The following SNX14 variants were observed in gnomAD, a reference collection of about 807,000 sequenced individuals.
The protein encoded by SNX14 is sorting nexin 14, also known as sorting nexin-14.
A neutral mutation model predicts 133.8 loss-of-function variants in SNX14; 93 were observed. That is an observed-to-expected ratio of 0.70 (90% CI 0.59 to 0.83). The LOEUF is 0.83. SNX14 is among the 40% of genes least tolerant of loss of function. The probability of loss-of-function intolerance (pLI) is 0.00; values close to 1 mark genes in which losing one functional copy is unlikely to be tolerated. For missense variants in SNX14, 945 were observed against 1,094.9 expected (o/e 0.86, Z 1.93); for synonymous variants, 368 against 365.6 (o/e 1.01, Z -0.07).
intron 1 of SNX14, among the ~76,000 whole-genome samples, chr6:85,584,631 A>G (rs887105976): frequency 1.3e-5 from 2 of 152,258 alleles, no homozygotes; most frequent in African/African-American, 4.8e-5. Context: ...TTATGCAGCC[A>G]ACAAACATAT....
chr6:85,506,286 T>A (rs1770633835), intron 28 of SNX14, among the ~76,000 whole-genome samples: 1 of 152,094 alleles, frequency 6.6e-6, no homozygotes, highest in African/African-American at 2.4e-5. Context: ...GCCACTCTGT[T>A]TTAATATGCA....
chr6:85,579,585 G>A (rs1798420761), intron 1 of SNX14, among the ~76,000 whole-genome samples: 1 of 152,168 alleles, frequency 6.6e-6, no homozygotes. Flanking sequence ...TCAAAGGAAA[G>A]CACACGGCTT....
At chr6:85,523,589 C>T (rs1344475787) in intron 21 of SNX14, among the ~76,000 whole-genome samples, 1 of 152,022 alleles carries the variant, frequency 6.6e-6, no homozygotes, top group Non-Finnish European at 1.5e-5. Flanking sequence ...GTGAGCAACA[C>T]GGTGAAACCC....
chr6:85,569,417 C>A (rs897136464), intron 4 of SNX14, among the ~76,000 whole-genome samples: 1 of 152,182 alleles, frequency 6.6e-6, no homozygotes, highest in Non-Finnish European at 1.5e-5. Flanking sequence ...ACATATCAAA[C>A]CTGAATATAT....
At chr6:85,552,380 GCATATTCATA>G (rs1282264214) in intron 7 of SNX14, among the ~76,000 whole-genome samples, 1 of 152,058 alleles carries the variant, frequency 6.6e-6, no homozygotes, top group Non-Finnish European at 1.5e-5. Flanking sequence ...TAGAATGCAA[GCATATTCATA>G]CACAAAAAAA....
At chr6:85,590,445 T>C (rs1802436352) in intron 1 of SNX14, among the ~76,000 whole-genome samples, 2 of 152,208 alleles carry the variant, frequency 1.3e-5, no homozygotes, top group African/African-American at 4.8e-5. Flanking sequence ...GCTTTCTTAA[T>C]AAACTTGCTT....
At chr6:85,522,835 A>G (rs774348421) in intron 21 of SNX14, among the ~76,000 whole-genome samples, 19 of 152,176 alleles carry the variant, frequency 1.2e-4, no homozygotes, top group Non-Finnish European at 2.2e-4. Context: ...AAGATACTCC[A>G]AACATTACCA....
At chr6:85,507,832 T>A in intron 27 of SNX14, 136 bp downstream of exon 27, 1 of 478,886 alleles carries the variant, frequency 2.1e-6, no homozygotes, top group Non-Finnish European at 3.4e-6. Context: ...AAACTTTTTT[T>A]CTATCTGAAT....
intron 5 of SNX14, among the ~76,000 whole-genome samples, chr6:85,565,736 T>G (rs1350873633): frequency 1.3e-5 from 2 of 152,120 alleles, no homozygotes; most frequent in Admixed American, 1.3e-4. Context: ...TTCAAAGAAA[T>G]AAAACAATGA....
intron 7 of SNX14, among the ~76,000 whole-genome samples, chr6:85,556,718 G>T (rs1789933570): frequency 1.3e-5 from 2 of 151,990 alleles, no homozygotes; most frequent in South Asian, 4.1e-4. Flanking sequence ...CTCCCAAAGT[G>T]CTGGGATTAC....
chr6:85,541,510 G>C (rs899465437), intron 15 of SNX14, among the ~76,000 whole-genome samples: 5 of 152,096 alleles, frequency 3.3e-5, no homozygotes, highest in African/African-American at 7.2e-5. Context: ...TAATTATCCA[G>C]TTTATAAATG....
chr6:85,592,540 G>A (rs570132980), intron 1 of SNX14, among the ~76,000 whole-genome samples: 1 of 152,276 alleles, frequency 6.6e-6, no homozygotes, highest in African/African-American at 2.4e-5. Context: ...CTATTGCATC[G>A]CAACAATTTC....
At chr6:85,537,026 G>T (rs1261318833) in intron 16 of SNX14, 102 bp from the exon 17 acceptor site, 12 of 1,263,668 alleles carry the variant, frequency 9.5e-6, no homozygotes, top group Non-Finnish European at 1.3e-5. Context: ...TTTTGAAAAT[G>T]ATAAACTAAA....
intron 23 of SNX14, among the ~76,000 whole-genome samples, chr6:85,517,329 C>T (rs1775368171): frequency 6.6e-6 from 1 of 152,194 alleles, no homozygotes; most frequent in Non-Finnish European, 1.5e-5. Context: ...TCCTTATATT[C>T]CCAGTGCCTA....
intron 6 of SNX14, among the ~76,000 whole-genome samples, chr6:85,560,132 A>G (rs1562334416): frequency 6.6e-6 from 1 of 152,178 alleles, no homozygotes; most frequent in Non-Finnish European, 1.5e-5. Context: ...TTGTACTCCT[A>G]TGTATATACC....
intron 4 of SNX14, chr6:85,568,088 A>G (rs1794470870): frequency 6.6e-6 from 1 of 152,246 alleles, no homozygotes; most frequent in Admixed American, 6.5e-5. Flanking sequence ...ATGAGAAAAC[A>G]CTTGGAAAAT....
intron 1 of SNX14, among the ~76,000 whole-genome samples, chr6:85,587,906 T>C (rs1306015994): frequency 6.6e-6 from 1 of 152,232 alleles, no homozygotes; most frequent in Admixed American, 6.5e-5. Context: ...CAAATGGTTT[T>C]ACCAAACTTT....
intron 2 of SNX14, among the ~76,000 whole-genome samples, chr6:85,573,649 CACAA>C (rs1339515606): frequency 6.6e-6 from 1 of 152,144 alleles, no homozygotes; most frequent in African/African-American, 2.4e-5. Context: ...CTATGAAGCA[CACAA>C]ACATTTAAGA....
intron 7 of SNX14, among the ~76,000 whole-genome samples, chr6:85,556,472 C>T (rs1201883765): frequency 7.3e-6 from 1 of 136,944 alleles, no homozygotes; most frequent in Non-Finnish European, 1.5e-5. Context: ...TCACATTCAT[C>T]TTTTTTTTTT....
Sources: gnomAD v4.1 joint callset for allele counts (sites outside exome capture counted in the v4.1 genomes callset) on GRCh38, gnomAD v4.1.1 for gene constraint, MANE v1.5 for transcripts, NCBI Gene and HGNC (gene_info 2026-07-23, HGNC 2026-07-21) for gene names.